SEMA3D: variants seen among roughly 807,000 people sequenced by gnomAD.
SEMA3D encodes semaphorin 3D, also known as semaphorin-3D.
In SEMA3D, 84 loss-of-function variants were observed where a neutral mutation model predicts 100.1. The ratio of observed to expected loss-of-function variants is 0.84; its 90% CI spans 0.70 to 1.01. The LOEUF is 1.01. SEMA3D is among the 50% of genes least tolerant of loss of function. The probability of loss-of-function intolerance (pLI) is 0.00; values close to 1 mark genes in which losing one functional copy is unlikely to be tolerated. For missense variants in SEMA3D, 875 were observed against 934.1 expected (o/e 0.94, Z 0.82); for synonymous variants, 312 against 320.7 (o/e 0.97, Z 0.29).
At chr7:85,074,458 G>A (rs1311334775) in intron 5 of SEMA3D, among the ~76,000 whole-genome samples, 2 of 151,980 alleles carry the variant, frequency 1.3e-5, no homozygotes, top group African/African-American at 4.8e-5. Flanking sequence ...GGATTGTTAT[G>A]GCTGTTATGT....
At chr7:85,044,415 AGTTCT>A (rs1488609065) in intron 9 of SEMA3D, among the ~76,000 whole-genome samples, 2 of 152,138 alleles carry the variant, frequency 1.3e-5, no homozygotes, top group Admixed American at 1.3e-4. Flanking sequence ...TTTCAGTAAC[AGTTCT>A]GTAAAACTCA....
At chr7:85,066,857 A>C (rs1791634992) in intron 7 of SEMA3D, among the ~76,000 whole-genome samples, 1 of 151,016 alleles carries the variant, frequency 6.6e-6, no homozygotes, top group Non-Finnish European at 1.5e-5. Flanking sequence ...CAACCTTAAG[A>C]ATGAGAATAG....
intron 8 of SEMA3D, 141 bp from the exon 9 acceptor site, chr7:85,056,000 G>A: frequency 2.1e-6 from 1 of 477,606 alleles, no homozygotes; most frequent in Non-Finnish European, 3.7e-6. Flanking sequence ...AATGAGATGT[G>A]TATACAAATG....
intron 1 of SEMA3D, among the ~76,000 whole-genome samples, chr7:85,162,564 GA>G (rs1380724719): frequency 6.6e-6 from 1 of 151,978 alleles, no homozygotes; most frequent in African/African-American, 2.4e-5. Context: ...ATGCCACAGT[GA>G]AAAAAAGCCA....
chr7:85,161,759 C>A (rs1341782726), intron 1 of SEMA3D, among the ~76,000 whole-genome samples: 7 of 152,024 alleles, frequency 4.6e-5, no homozygotes, highest in Admixed American at 4.6e-4. Flanking sequence ...AACTGAACTA[C>A]CCACACAGGT....
At chr7:85,037,078 C>T in intron 11 of SEMA3D, 45 bp from the exon 12 acceptor site, 1 of 1,585,394 alleles carries the variant, frequency 6.3e-7, no homozygotes, top group Non-Finnish European at 8.6e-7. Flanking sequence ...CTGATGAATT[C>T]AATAAACATT....
intron 1 of SEMA3D, among the ~76,000 whole-genome samples, chr7:85,161,823 T>A (rs917976481): frequency 2.0e-5 from 3 of 152,180 alleles, no homozygotes; most frequent in Admixed American, 2.0e-4. Context: ...TCATCCACTA[T>A]CTTACAACTT....
At chr7:85,174,446 T>C (rs1791171265) in intron 1 of SEMA3D, among the ~76,000 whole-genome samples, 1 of 152,158 alleles carries the variant, frequency 6.6e-6, no homozygotes, top group African/African-American at 2.4e-5. Context: ...ATAAGATCCA[T>C]AGTCCAAGTT....
chr7:85,120,430 G>A (rs1030581924), intron 3 of SEMA3D, among the ~76,000 whole-genome samples: 23 of 152,198 alleles, frequency 1.5e-4, no homozygotes, highest in Non-Finnish European at 3.1e-4. Context: ...CACTTTGGGA[G>A]GCTGAGGTGG....
the SEMA3D span, among the ~76,000 whole-genome samples, chr7:85,216,760 A>G: frequency 6.6e-6 from 1 of 152,012 alleles, no homozygotes; most frequent in Admixed American, 6.6e-5. Flanking sequence ...GGGTTTTACA[A>G]TGTCTATGAA....
the SEMA3D span, among the ~76,000 whole-genome samples, chr7:85,192,375 T>C: frequency 1.3e-5 from 2 of 151,878 alleles, no homozygotes; most frequent in Non-Finnish European, 2.9e-5. Flanking sequence ...TTTTTAGTAT[T>C]ATTATTATAC....
At chr7:85,173,075 C>A (rs573221288) in intron 1 of SEMA3D, among the ~76,000 whole-genome samples, 3 of 151,764 alleles carry the variant, frequency 2.0e-5, no homozygotes, top group Admixed American at 2.0e-4. Flanking sequence ...TGAGAGCAGA[C>A]CCAACTTGGA....
the SEMA3D span, among the ~76,000 whole-genome samples, chr7:85,246,732 T>G: frequency 2.6e-5 from 4 of 151,818 alleles, no homozygotes; most frequent in Admixed American, 6.6e-5. Flanking sequence ...AGATAATAAT[T>G]CCCTATGACC....
the SEMA3D span, among the ~76,000 whole-genome samples, chr7:85,244,086 A>AT: frequency 4.6e-5 from 7 of 152,216 alleles, no homozygotes; most frequent in Admixed American, 2.6e-4. Flanking sequence ...GAAAAGAGGC[A>AT]TATTTGGCTG....
intron 13 of SEMA3D, among the ~76,000 whole-genome samples, chr7:85,021,014 A>G (rs2115844174): frequency 6.6e-6 from 1 of 151,702 alleles, no homozygotes; most frequent in Admixed American, 6.6e-5. Context: ...TAGTACAGAA[A>G]GAAAATTAAA....
intron 1 of SEMA3D, chr7:85,181,869 T>C (rs181647805): frequency 4.9e-5 from 16 of 327,606 alleles, no homozygotes; most frequent in Admixed American, 3.9e-4. Context: ...ATATTAATAA[T>C]GATGGATTGA....
At chr7:85,038,125 C>G (rs1392932602) in intron 11 of SEMA3D, among the ~76,000 whole-genome samples, 1 of 151,924 alleles carries the variant, frequency 6.6e-6, no homozygotes, top group Non-Finnish European at 1.5e-5. Context: ...TGCAGCACAC[C>G]AACATGGCAC....
intron 3 of SEMA3D, among the ~76,000 whole-genome samples, chr7:85,113,850 C>T (rs1402976348): frequency 1.3e-5 from 2 of 152,062 alleles, no homozygotes; most frequent in Non-Finnish European, 2.9e-5. Flanking sequence ...AAGTAGCTAA[C>T]TACTACCAGA....
intron 8 of SEMA3D, among the ~76,000 whole-genome samples, chr7:85,058,030 A>T (rs1791371421): frequency 6.6e-6 from 1 of 152,200 alleles, no homozygotes; most frequent in African/African-American, 2.4e-5. Flanking sequence ...TGTGTCTCCC[A>T]TCCAATCTCT....
Sources: gnomAD v4.1 joint callset for allele counts (sites outside exome capture counted in the v4.1 genomes callset) on GRCh38, gnomAD v4.1.1 for gene constraint, MANE v1.5 for transcripts, NCBI Gene and HGNC (gene_info 2026-07-23, HGNC 2026-07-21) for gene names.